Variants in ATP13A4 observed in about 807,000 individuals in gnomAD.
The protein encoded by ATP13A4 is probable cation-transporting ATPase 13A4.
Under a neutral mutation model 142.5 loss-of-function variants are expected in ATP13A4, and 114 were observed. The ratio of observed to expected loss-of-function variants is 0.80; its 90% confidence interval spans 0.69 to 0.93. ATP13A4 has a LOEUF of 0.93. ATP13A4 is among the 40% of genes least tolerant of loss of function. The probability of loss-of-function intolerance (pLI) is 0.00; values close to 1 mark genes in which losing one functional copy is unlikely to be tolerated. For synonymous variants in ATP13A4, 488 were observed against 514.8 expected, an observed-to-expected ratio of 0.95 and a Z score of 0.70; for missense variants, 1,392 against 1,454.0, an observed-to-expected ratio of 0.96 and a Z score of 0.69.
intron 1 of ATP13A4, among the ~76,000 whole-genome samples, chr3:193,586,922 G>C (rs1349021939): frequency 1.3e-5 from 2 of 152,094 alleles, no homozygotes; most frequent in African/African-American, 2.4e-5. Flanking sequence ...CTAATTTGGG[G>C]GAAAGTGATA....
At chr3:193,464,553 G>A (rs780066436) in intron 12 of ATP13A4, among the ~76,000 whole-genome samples, 3 of 152,112 alleles carry the variant, frequency 2.0e-5, no homozygotes, top group Admixed American at 6.5e-5. Context: ...TAATTCAATC[G>A]ATATTTATTG....
intron 2 of ATP13A4, among the ~76,000 whole-genome samples, chr3:193,564,410 A>G (rs1480601147): frequency 6.6e-6 from 1 of 152,238 alleles, no homozygotes; most frequent in African/African-American, 2.4e-5. Flanking sequence ...AAGGAACAGG[A>G]GATTTAGGAA....
chr3:193,424,155 A>G lies in ATP13A4; in HGVS notation c.2843-9405T>C, dbSNP rs1343608953. The stretch of plus-strand genomic sequence containing the variant: ...GAAAAATCTCTATACTGGAAACTAT[A>G]AAACACTGGTGAAAAAAAATGGAAG... On this transcript the variant is annotated intron_variant, in intron 25 of 29. Transcript: ENST00000342695. Among the ~76,000 whole-genome samples the G allele has an allele frequency of 1.2e-4, 17 of 143,494 alleles. 3 individuals carry two copies. The Admixed American group carries it at 1.3e-3, about 11-fold the overall frequency. 94.1% of individuals were successfully genotyped at this position (143,494 alleles called of 152,430 possible).
At chr3:193,546,545 C>T (rs909651376) in intron 1 of ATP13A4, among the ~76,000 whole-genome samples, 13 of 152,138 alleles carry the variant, frequency 8.5e-5, no homozygotes, top group African/African-American at 3.1e-4. Flanking sequence ...ATTATCTCCA[C>T]CTTGTAAATA....
At chr3:193,474,664 A>AC (rs199650922) in intron 8 of ATP13A4, among the ~76,000 whole-genome samples, 2 of 150,064 alleles carry the variant, frequency 1.3e-5, no homozygotes, top group Non-Finnish European at 3.0e-5. Context: ...AGAAAGAAAG[A>AC]AAGAAAAAGA....
rs1221794311 is a variant in ATP13A4 at position 193,402,424 on chromosome 3, C to G, written c.*228G>C. On this transcript the variant is annotated 3_prime_UTR_variant, in exon 30 of 30. Transcript: ENST00000342695. ...AATTCTTGGCCCATTCTTGCCTTCA[C>G]TGAATGCCTCTAATACCTTCAGAAG... 2.0e-6 allele frequency: 1 copy of G among 511,358 alleles called. No individual in the cohort carries two copies. The highest frequency in any genetic ancestry group is 1.9e-5 in the African/African-American group (1 of 51,858). 31.7% of individuals were successfully genotyped at this position (511,358 alleles called of 1,614,324 possible).
intron 16 of ATP13A4, among the ~76,000 whole-genome samples, 167 bp from the exon 17 acceptor site, chr3:193,454,379 C>T (rs1463215397): frequency 6.6e-6 from 1 of 152,146 alleles, no homozygotes; most frequent in African/African-American, 2.4e-5. Flanking sequence ...TCAGGGTTGA[C>T]CTCTTCAGAT....
chr3:193,573,292 C>CTT (rs1553862256), intron 2 of ATP13A4, among the ~76,000 whole-genome samples: 16,219 of 107,272 alleles, frequency 0.15, 1,760 homozygotes, highest in Non-Finnish European at 0.17. Flanking sequence ...TATATATACA[C>CTT]ATATATATAT....
intron 24 of ATP13A4, among the ~76,000 whole-genome samples, chr3:193,434,278 C>G (rs1017811163): frequency 1.6e-4 from 24 of 152,126 alleles, no homozygotes; most frequent in African/African-American, 4.6e-4. Flanking sequence ...AAAAATACAT[C>G]CCCAAGTGAC....
At chr3:193,560,206 G>T (rs955377843) in intron 2 of ATP13A4, among the ~76,000 whole-genome samples, 1 of 151,674 alleles carries the variant, frequency 6.6e-6, no homozygotes, top group African/African-American at 2.4e-5. Flanking sequence ...ACATCATATT[G>T]CTACTCACTT....
In ATP13A4 at chr3:193,418,112, A is replaced by G; in HGVS notation, c.2843-3362T>C. ...ACTCCAGCCTGGGCGACAGAGCGAG[A>G]CTCCGTCTCAAAAAAAAAAAAAAAA... On this transcript the variant is annotated intron_variant, in intron 25 of 29. Coordinates refer to ENST00000342695, the MANE Select transcript of ATP13A4 (RefSeq NM_032279.4). 3.6e-5 allele frequency among the ~76,000 whole-genome samples: 3 copies of G among 82,638 alleles called. No homozygotes were observed. In the South Asian group the frequency reaches 1.8e-3, roughly 50 times the overall value. 54.2% of individuals were successfully genotyped at this position (82,638 alleles called of 152,430 possible).
intron 2 of ATP13A4, among the ~76,000 whole-genome samples, chr3:193,578,296 AATATCTATATCTATATCT>A (rs60425298): frequency 0.03 from 4,362 of 146,378 alleles, 187 homozygotes; most frequent in African/African-American, 0.097. Context: ...CCATCTCAGA[AATATCTATATCTATATCT>A]ATATCTATAT....
intron 9 of ATP13A4, among the ~76,000 whole-genome samples, chr3:193,468,196 A>ATAAG (rs1453355931): frequency 6.6e-6 from 1 of 151,998 alleles, no homozygotes; most frequent in Admixed American, 6.6e-5. Context: ...AAATAAATAA[A>ATAAG]TAATAAATAA....
At position 193,448,239 on chromosome 3, in the gene ATP13A4, T is replaced by G. The variant is rs139578706; in HGVS notation, c.2119A>C (p.Ile707Leu). Residue 707 changes from isoleucine to leucine, a missense_variant, in exon 18 of 30, where the codon ATC becomes CTC. Ile to Leu is a conservative substitution (Grantham distance 5). Transcript: ENST00000342695. ...EETKPVLEEL[I>L]SARIRTVMIT... ...ATTACAGTCCTTATCCGGGCTGAGA[T>G]GAGCTCTTCCAAGACAGGTTTTGTC... 2 of 1,613,880 alleles carry G rather than the reference T, an allele frequency of 1.2e-6. No individual in the cohort carries two copies. The highest frequency in any genetic ancestry group is 1.7e-6 in the Non-Finnish European group (2 of 1,179,722).
chr3:193,407,656 ATG>A (rs1377669977), intron 28 of ATP13A4, among the ~76,000 whole-genome samples: 1 of 151,734 alleles, frequency 6.6e-6, no homozygotes, highest in African/African-American at 2.4e-5. Flanking sequence ...TCTTCTTGTG[ATG>A]TGTGTGTGTT....
intron 26 of ATP13A4, 63 bp from the exon 27 acceptor site, chr3:193,412,434 T>A: frequency 6.8e-7 from 1 of 1,473,788 alleles, no homozygotes. Context: ...AGCATTTGTA[T>A]CCAGAAGATT....
intron 23 of ATP13A4, 37 bp downstream of exon 23, chr3:193,438,438 G>C: frequency 6.7e-7 from 1 of 1,493,960 alleles, no homozygotes; most frequent in Non-Finnish European, 9.3e-7. Flanking sequence ...CAGAAGTCAA[G>C]AGAGAGAAAA....
chr3:193,561,615 A>G (rs541734820), intron 2 of ATP13A4, among the ~76,000 whole-genome samples: 1 of 152,160 alleles, frequency 6.6e-6, no homozygotes, highest in Non-Finnish European at 1.5e-5. Context: ...CTAATGGAAA[A>G]AGGAAAGTAA....
intron 25 of ATP13A4, among the ~76,000 whole-genome samples, chr3:193,420,886 T>C (rs978374493): frequency 6.7e-6 from 1 of 149,016 alleles, no homozygotes; most frequent in Non-Finnish European, 1.5e-5. Context: ...AAAATGAATA[T>C]AAAAGAACAA....
Sources: gnomAD v4.1 joint callset for allele counts (sites outside exome capture counted in the v4.1 genomes callset) on GRCh38, gnomAD v4.1.1 for gene constraint, MANE v1.5 for transcripts, NCBI Gene and HGNC (gene_info 2026-07-23, HGNC 2026-07-21) for gene names.